MRLN: variants seen among roughly 807,000 people sequenced by gnomAD.
The protein encoded by MRLN is Linc-RNA activator of myogenesis.
At chr10:59,741,204 C>T (rs1485948708) in intron 1 of MRLN, among the ~76,000 whole-genome samples, 3 of 152,072 alleles carry the variant, frequency 2.0e-5, no homozygotes, top group African/African-American at 7.2e-5. Flanking sequence ...GAGTAGTGTA[C>T]AGGAATGTCC....
chr10:59,744,260 C>T (rs866452888), intron 1 of MRLN: 12 of 157,628 alleles, frequency 7.6e-5, no homozygotes, highest in African/African-American at 2.2e-4. Flanking sequence ...ATGTGGGGAG[C>T]GCCTCTGCCC....
At chr10:59,746,038 T>G (rs1841040901) in intron 1 of MRLN, among the ~76,000 whole-genome samples, 1 of 152,230 alleles carries the variant, frequency 6.6e-6, no homozygotes, top group Non-Finnish European at 1.5e-5. Context: ...TGTGGATTTT[T>G]GGTTAGGACA....
intron 1 of MRLN, among the ~76,000 whole-genome samples, chr10:59,741,190 T>C (rs1840979923): frequency 6.6e-6 from 1 of 152,032 alleles, no homozygotes; most frequent in South Asian, 2.1e-4. Context: ...GTTCACAAAG[T>C]CTAGAGTAGT....
chr10:59,743,941 A>G (rs1411943059), intron 1 of MRLN, among the ~76,000 whole-genome samples: 1 of 152,214 alleles, frequency 6.6e-6, no homozygotes, highest in African/African-American at 2.4e-5. Context: ...CCGGGATTGT[A>G]GACGGAGTCT....
chr10:59,749,970 G>A (rs977627178), intron 1 of MRLN, among the ~76,000 whole-genome samples: 5 of 148,228 alleles, frequency 3.4e-5, no homozygotes, highest in African/African-American at 7.5e-5. Flanking sequence ...TCACCCACCC[G>A]CCCCAGGTCA....
intron 1 of MRLN, among the ~76,000 whole-genome samples, chr10:59,746,061 A>T (rs898609567): frequency 6.6e-6 from 1 of 152,226 alleles, no homozygotes; most frequent in Non-Finnish European, 1.5e-5. Context: ...GTACAAAATG[A>T]ATATACTTTG....
intron 1 of MRLN, among the ~76,000 whole-genome samples, chr10:59,745,218 T>A (rs1841031515): frequency 6.6e-6 from 1 of 152,228 alleles, no homozygotes; most frequent in South Asian, 2.1e-4. Flanking sequence ...TTAACAGCAG[T>A]AATTTTCAGG....
chr10:59,742,338 T>C (rs991529723), intron 1 of MRLN, among the ~76,000 whole-genome samples: 1 of 152,192 alleles, frequency 6.6e-6, no homozygotes, highest in African/African-American at 2.4e-5. Flanking sequence ...AAAGATAGCA[T>C]TGAATTTTAA....
chr10:59,737,346 C>A lies in MRLN; in HGVS notation c.-20-126G>T, dbSNP rs769457281. 8.2e-6 allele frequency: 3 copies of A among 367,334 alleles called. No homozygotes were observed. The East Asian group carries it at 1.1e-4, about 14-fold the overall frequency. 22.8% of individuals were successfully genotyped at this position (367,334 alleles called of 1,614,324 possible). A position where few individuals can be genotyped will look rare whatever the true frequency, so the allele number is the denominator to read the frequency against. On this transcript the variant is annotated intron_variant, in intron 2 of 2. Coordinates refer to ENST00000414264, the MANE Select transcript of MRLN (RefSeq NM_001304731.2). ...TAAGTCTTCCAGGGAATATTCCACA[C>A]CTATTTGTAACCAATCAATGAAATA...
chr10:59,746,879 A>G (rs776961522), intron 1 of MRLN, among the ~76,000 whole-genome samples: 4 of 152,144 alleles, frequency 2.6e-5, no homozygotes, highest in Non-Finnish European at 5.9e-5. Context: ...TGCACACTGC[A>G]GCCTCCACCT....
rs531155053 is a variant in MRLN at position 59,738,496 on chromosome 10, C to T, written c.-58G>A. 6.6e-6 allele frequency: 1 copy of T among 152,300 alleles called. No individual in the cohort carries two copies. Among genetic ancestry groups the T allele is most frequent in the East Asian group, 1.9e-4 (1 of 5,174 alleles). The allele number at this position is 152,300 out of a possible 1,614,324, so 9.4% of individuals were successfully genotyped here. ...CAGGTAGTGGTAGGTAACACGGCTT[C>T]TCAGTTTTCTGCTCTTGCCAGAACA... On this transcript the variant is annotated 5_prime_UTR_variant, in exon 2 of 3. Coordinates refer to ENST00000414264, the MANE Select transcript of MRLN (RefSeq NM_001304731.2).
At chr10:59,751,968 AAGAC>A in intron 1 of MRLN, among the ~76,000 whole-genome samples, 1 of 152,334 alleles carries the variant, frequency 6.6e-6, no homozygotes, top group East Asian at 1.9e-4. Flanking sequence ...GAAACATAGA[AAGAC>A]AGAGCAAAAA....
Position 59,751,247 on chromosome 10 carries a change from T to C in MRLN, c.-125+2107A>G, listed in dbSNP as rs191520048. 3.3e-4 allele frequency among the ~76,000 whole-genome samples: 50 copies of C among 152,306 alleles called. 1 individual carries two copies. The highest frequency in any genetic ancestry group is 1.2e-3 in the African/African-American group (48 of 41,556). On this transcript the variant is annotated intron_variant, in intron 1 of 2. Coordinates refer to ENST00000414264, the MANE Select transcript of MRLN (RefSeq NM_001304731.2). ...CCACCTTTAGAGCAGAAATGATATC[T>C]CTAGCATTTTCCACAGAGCTTGGAA... is the stretch of plus-strand genomic sequence containing the variant.
intron 1 of MRLN, among the ~76,000 whole-genome samples, chr10:59,746,509 A>C (rs1214457268): frequency 6.6e-6 from 1 of 152,122 alleles, no homozygotes; most frequent in African/African-American, 2.4e-5. Context: ...TTACTTTTGA[A>C]AAGATCTACA....
At chr10:59,740,209 A>G (rs1470078366) in intron 1 of MRLN, among the ~76,000 whole-genome samples, 1 of 152,214 alleles carries the variant, frequency 6.6e-6, no homozygotes, top group African/African-American at 2.4e-5. Flanking sequence ...TGCTGCTATA[A>G]ACAAACCTAC....
At chr10:59,750,095 G>A (rs1377257579) in intron 1 of MRLN, among the ~76,000 whole-genome samples, 8 of 121,764 alleles carry the variant, frequency 6.6e-5, no homozygotes, top group African/African-American at 1.9e-4. Context: ...TTTTTGAGAC[G>A]GAGTTTCGCT....
intron 2 of MRLN, chr10:59,737,915 C>T (rs574493887): frequency 1.3e-5 from 2 of 152,186 alleles, no homozygotes; most frequent in African/African-American, 4.8e-5. Flanking sequence ...AGCCTTACAC[C>T]AAAGTTCCCC....
At chr10:59,739,052 G>A (rs780740954) in intron 1 of MRLN, 1 of 152,122 alleles carries the variant, frequency 6.6e-6, no homozygotes, top group African/African-American at 2.4e-5. Flanking sequence ...GAACCCAGGA[G>A]GCGGAGGTTG....
chr10:59,747,633 C>A (rs995370626), intron 1 of MRLN, among the ~76,000 whole-genome samples: 3 of 152,228 alleles, frequency 2.0e-5, no homozygotes, highest in African/African-American at 7.2e-5. Context: ...GTTATCCAAT[C>A]TGACTTCCTT....
Sources: allele counts gnomAD v4.1 joint callset (sites outside exome capture counted in the v4.1 genomes callset), GRCh38; gene constraint gnomAD v4.1.1; transcripts MANE v1.5; gene names NCBI Gene and HGNC (gene_info 2026-07-23, HGNC 2026-07-21).